JCAD: variants seen among roughly 807,000 people sequenced by gnomAD.
The protein encoded by JCAD is junctional cadherin 5-associated protein.
JCAD carries 40 observed loss-of-function variants against 98.0 expected under a neutral mutation model. The observed-to-expected ratio is 0.41, with a 90% CI of 0.32 to 0.53. The LOEUF (loss-of-function observed/expected upper bound fraction) is 0.53, where lower values mean the gene tolerates loss of function less well. JCAD is among the 20% of genes least tolerant of loss of function. The probability of loss-of-function intolerance (pLI) is 0.31; values close to 1 mark genes in which losing one functional copy is unlikely to be tolerated. For missense variants in JCAD, 1,705 were observed against 1,738.1 expected (o/e 0.98, Z 0.34); for synonymous variants, 691 against 682.3 (o/e 1.01, Z -0.20).
At chr10:30,112,651 C>T (rs1838725174) in intron 1 of JCAD, among the ~76,000 whole-genome samples, 1 of 151,986 alleles carries the variant, frequency 6.6e-6, no homozygotes, top group Admixed American at 6.6e-5. Context: ...ATGGGTGGAT[C>T]ACCTGAAGTC....
chr10:30,078,664 CAGCT>C (rs1202526055), intron 1 of JCAD, among the ~76,000 whole-genome samples: 2 of 152,096 alleles, frequency 1.3e-5, no homozygotes, highest in African/African-American at 4.8e-5. Context: ...CTTTAATGAT[CAGCT>C]AATGGCAACA....
chr10:30,114,825 GAATAGATA>G (rs1744138978), intron 1 of JCAD, among the ~76,000 whole-genome samples: 1 of 61,446 alleles, frequency 1.6e-5, no homozygotes, highest in Non-Finnish European at 3.7e-5. Flanking sequence ...TTTTAAAGCC[GAATAGATA>G]GATAGATAGA....
intron 1 of JCAD, among the ~76,000 whole-genome samples, chr10:30,049,291 C>T (rs140993133): frequency 0.012 from 1,888 of 152,250 alleles, 17 homozygotes; most frequent in Middle Eastern, 0.051. Flanking sequence ...CACTGGTGGA[C>T]GGAAATAGAG....
In JCAD at chr10:30,092,034, CAAAAAAAAAAAA is replaced by C. The variant is rs1198107053; in HGVS notation, n.129-22225_129-22214del. Among the ~76,000 whole-genome samples, 186 of 35,368 alleles carry C rather than the reference CAAAAAAAAAAAA, an allele frequency of 5.3e-3. 3 individuals are homozygous for C. The highest frequency in any genetic ancestry group is 0.025 in the African/African-American group (180 of 7,154). 23.2% of individuals were successfully genotyped at this position (35,368 alleles called of 152,430 possible). On this transcript the variant is annotated intron_variant and non_coding_transcript_variant, in intron 1 of 2. Coordinates refer to the JCAD transcript ENST00000465712. ...CAGAGCGAGACTCCATCCCCCACCA[CAAAAAAAAAAAA>C]AAAAAAAAAAAAAAAAAAATATATA...
At chr10:30,077,098 C>T (rs770839894) in intron 1 of JCAD, among the ~76,000 whole-genome samples, 9 of 152,134 alleles carry the variant, frequency 5.9e-5, no homozygotes, top group Non-Finnish European at 1.3e-4. Flanking sequence ...AAACCTGCCT[C>T]CTAGAGCCAC....
At chr10:30,092,064 A>AAAAAT (rs1554802503) in intron 1 of JCAD, among the ~76,000 whole-genome samples, 7 of 19,030 alleles carry the variant, frequency 3.7e-4, no homozygotes, top group Non-Finnish European at 5.0e-4. Flanking sequence ...AAAAAAAAAA[A>AAAAAT]ATATATATAT....
At chr10:30,058,377 G>T (rs1438186837) in intron 1 of JCAD, among the ~76,000 whole-genome samples, 73 of 152,206 alleles carry the variant, frequency 4.8e-4, no homozygotes, top group Non-Finnish European at 2.1e-4. Context: ...GCGGGGGTGG[G>T]AGAGTGGGTG....
At chr10:30,053,691 T>A (rs1837513721) in intron 1 of JCAD, among the ~76,000 whole-genome samples, 1 of 151,970 alleles carries the variant, frequency 6.6e-6, no homozygotes, top group Non-Finnish European at 1.5e-5. Context: ...ATACACACTG[T>A]TTTGTATAAG....
intron 1 of JCAD, among the ~76,000 whole-genome samples, chr10:30,101,560 G>T (rs2132708523): frequency 6.6e-6 from 1 of 152,058 alleles, no homozygotes; most frequent in Non-Finnish European, 1.5e-5. Flanking sequence ...TAGAGACAGG[G>T]TCTCACTATG....
chr10:30,019,872 A>C (rs572373423), intron 3 of JCAD, among the ~76,000 whole-genome samples: 3 of 152,038 alleles, frequency 2.0e-5, no homozygotes, highest in Non-Finnish European at 4.4e-5. Context: ...TCAAAACACC[A>C]TGTTCTATAC....
rs1564441426 is a variant in JCAD at position 30,026,663 on chromosome 10, TC to T, written c.3484del (p.Asp1162ThrfsTer59). ...AGGAGCCCGCCTGGCACTGTCCCTG[TC>T]CCCTACAAAGAGAGGGCTCTTGGTC... ...GWTKSPLFVG[D>X]RDSARRAPQA... On this transcript the variant is annotated frameshift_variant, in exon 3 of 4. Transcript: ENST00000375377. LOFTEE classifies it high-confidence loss of function. 1 of 1,613,190 alleles carries T rather than the reference TC, an allele frequency of 6.2e-7. No homozygotes were observed. The highest frequency in any genetic ancestry group is 1.7e-5 in the Admixed American group (1 of 60,028).
rs372613979 is a variant in JCAD at position 30,027,181 on chromosome 10, G to C, written c.2967C>G (p.Pro989=). 4 of 1,614,186 alleles carry C rather than the reference G, an allele frequency of 2.5e-6. No individual in the cohort carries two copies. Among genetic ancestry groups the C allele is most frequent in the South Asian group, 1.1e-5 (1 of 91,080 alleles). The change falls in exon 3 of 4, where the codon CCC becomes CCG. Residue 989 remains proline, a synonymous_variant. Coordinates refer to ENST00000375377, the MANE Select transcript of JCAD (RefSeq NM_020848.4). ...SSRSSDAKPL[P]ASYPAEPREP... is the part of the protein sequence containing the mutation. The stretch of plus-strand genomic sequence containing the variant: ...CCCTAGGTTCAGCTGGATAGGACGC[G>C]GGCAGTGGTTTTGCGTCACTTGATC...
At chr10:30,103,532 A>G (rs190126442) in intron 1 of JCAD, among the ~76,000 whole-genome samples, 43 of 152,268 alleles carry the variant, frequency 2.8e-4, no homozygotes, top group African/African-American at 7.9e-4. Context: ...TTAAATGTTA[A>G]AATTGATGTT....
intron 2 of JCAD, among the ~76,000 whole-genome samples, chr10:30,037,161 T>C (rs1014950875): frequency 1.3e-5 from 2 of 152,214 alleles, no homozygotes; most frequent in African/African-American, 4.8e-5. Flanking sequence ...CATGCTTCTG[T>C]GATGGCCTCA....
rs1836457450 is a variant in JCAD, at chr10:30,013,110, T to C, written c.*4773A>G. 6.6e-6 allele frequency: 1 copy of C among 152,222 alleles called. No individual in the cohort carries two copies. The highest frequency in any genetic ancestry group is 2.4e-5 in the African/African-American group (1 of 41,406). 9.4% of individuals were successfully genotyped at this position (152,222 alleles called of 1,614,324 possible). A position where few individuals can be genotyped will look rare whatever the true frequency, so the allele number is the denominator to read the frequency against. ...TTTCTGGGACCCTTTCTACCTGTCT[T>C]AGGTATTAATGGTGCCCAAAGAAAA... On this transcript the variant is annotated 3_prime_UTR_variant, in exon 4 of 4. Coordinates refer to ENST00000375377, the MANE Select transcript of JCAD (RefSeq NM_020848.4).
chr10:30,021,166 C>T (rs755373620), intron 3 of JCAD, among the ~76,000 whole-genome samples: 3 of 152,198 alleles, frequency 2.0e-5, no homozygotes, highest in Non-Finnish European at 4.4e-5. Flanking sequence ...AGCTCATGGA[C>T]TATCCAGGTC....
rs1439885180 is a variant in JCAD at position 30,032,891 on chromosome 10, CA to C, written c.282-3026del. On this transcript the variant is annotated intron_variant, in intron 2 of 3. Coordinates refer to ENST00000375377, the MANE Select transcript of JCAD (RefSeq NM_020848.4). ...GCAAACTAACTCATTTAAGCTTCAC[CA>C]ACATCCTTCTGAGGTAGAAGCTACT... is the stretch of plus-strand genomic sequence containing the variant. Among the ~76,000 whole-genome samples the C allele has an allele frequency of 3.3e-5, 5 of 152,220 alleles. No individual in the cohort carries two copies. In the South Asian group the frequency reaches 1.0e-3, roughly 31 times the overall value.
intron 1 of JCAD, among the ~76,000 whole-genome samples, chr10:30,050,051 C>T (rs1034240030): frequency 1.3e-5 from 2 of 151,992 alleles, no homozygotes; most frequent in African/African-American, 2.4e-5. Flanking sequence ...CACAGTGGCT[C>T]GCACCTATAA....
At chr10:30,100,353 T>C (rs533404443) in intron 1 of JCAD, among the ~76,000 whole-genome samples, 1 of 152,282 alleles carries the variant, frequency 6.6e-6, no homozygotes, top group Admixed American at 6.5e-5. Flanking sequence ...TTATTCTTTT[T>C]GTTGTTCTTG....
Sources: gnomAD v4.1 joint callset for allele counts (sites outside exome capture counted in the v4.1 genomes callset) on GRCh38, gnomAD v4.1.1 for gene constraint, MANE v1.5 for transcripts, NCBI Gene and HGNC (gene_info 2026-07-23, HGNC 2026-07-21) for gene names.